DACH1: variants seen among roughly 807,000 people sequenced by gnomAD.
The protein encoded by DACH1 is dachshund homolog 1.
In DACH1, 12 loss-of-function variants were observed where a neutral mutation model predicts 54.2. The observed-to-expected ratio is 0.22, with a 90% confidence interval of 0.14 to 0.36. DACH1 has a LOEUF of 0.36. DACH1 is among the 10% of genes least tolerant of loss of function. The pLI is 1.00. For missense variants in DACH1, 805 were observed against 929.8 expected (o/e 0.87, Z 1.75); for synonymous variants, 386 against 366.2 (o/e 1.05, Z -0.62).
chr13:71,690,792 C>T (rs1317163707), intron 1 of DACH1, among the ~76,000 whole-genome samples: 1 of 152,030 alleles, frequency 6.6e-6, no homozygotes, highest in South Asian at 2.1e-4. Flanking sequence ...ATTAGCTGGG[C>T]ATGGTGGTGC....
chr13:71,659,387 T>A (rs1408012796), intron 2 of DACH1, among the ~76,000 whole-genome samples: 1 of 152,138 alleles, frequency 6.6e-6, no homozygotes. Context: ...CTGTTAGTGG[T>A]AAGTAATTAT....
chr13:71,494,518 C>T (rs942816659), intron 6 of DACH1, among the ~76,000 whole-genome samples: 1 of 151,950 alleles, frequency 6.6e-6, no homozygotes, highest in Non-Finnish European at 1.5e-5. Context: ...TAAGCAATGA[C>T]GTTTGGTAGG....
intron 1 of DACH1, among the ~76,000 whole-genome samples, chr13:71,817,027 T>C (rs75036048): frequency 0.02 from 3,078 of 152,200 alleles, 100 homozygotes; most frequent in African/African-American, 0.069. Context: ...TTTACCTGTG[T>C]AGGAAACCTA....
At chr13:71,573,366 A>C in intron 3 of DACH1, 1 of 708,184 alleles carries the variant, frequency 1.4e-6, no homozygotes, top group East Asian at 2.7e-5. Context: ...CCAACTGATA[A>C]ATACAATTTA....
chr13:71,464,788 G>A (rs1876418362), intron 10 of DACH1: 4 of 443,730 alleles, frequency 9.0e-6, no homozygotes, highest in Non-Finnish European at 1.8e-5. Flanking sequence ...TTCATCAAGT[G>A]AGCACACAGA....
At chr13:71,811,533 C>T (rs1887711873) in intron 1 of DACH1, among the ~76,000 whole-genome samples, 1 of 152,176 alleles carries the variant, frequency 6.6e-6, no homozygotes, top group Admixed American at 6.5e-5. Flanking sequence ...ACTATTCTAT[C>T]ATTTAATGAT....
intron 2 of DACH1, among the ~76,000 whole-genome samples, chr13:71,679,200 T>C (rs1454207697): frequency 6.6e-6 from 1 of 152,182 alleles, no homozygotes; most frequent in African/African-American, 2.4e-5. Flanking sequence ...GTATCTTCGG[T>C]GTCTCTGTTC....
chr13:71,543,603 A>G (rs1240119102), intron 6 of DACH1, among the ~76,000 whole-genome samples: 1 of 152,106 alleles, frequency 6.6e-6, no homozygotes, highest in Non-Finnish European at 1.5e-5. Context: ...TAAGAGATGC[A>G]TAGGGAATCT....
At chr13:71,774,486 A>C (rs1326353770) in intron 1 of DACH1, among the ~76,000 whole-genome samples, 15 of 152,094 alleles carry the variant, frequency 9.9e-5, no homozygotes, top group Admixed American at 9.8e-4. Flanking sequence ...ATCCCACTAC[A>C]GTAGAAAACA....
intron 6 of DACH1, among the ~76,000 whole-genome samples, chr13:71,554,384 T>C (rs946746731): frequency 2.0e-5 from 3 of 152,142 alleles, no homozygotes; most frequent in Non-Finnish European, 2.9e-5. Flanking sequence ...TTTGTCATTA[T>C]AAAATATATG....
chr13:71,442,686 T>G (rs1874111020), intron 10 of DACH1, among the ~76,000 whole-genome samples: 1 of 152,140 alleles, frequency 6.6e-6, no homozygotes, highest in Non-Finnish European at 1.5e-5. Context: ...CTATGTATAC[T>G]ATGTTTTTTT....
chr13:71,715,653 T>C (rs1424768328), intron 1 of DACH1, among the ~76,000 whole-genome samples: 1 of 152,030 alleles, frequency 6.6e-6, no homozygotes, highest in Non-Finnish European at 1.5e-5. Flanking sequence ...TTGGTGAACA[T>C]AGAGTATATT....
chr13:71,590,334 T>C (rs1873606934), intron 3 of DACH1, among the ~76,000 whole-genome samples: 1 of 152,226 alleles, frequency 6.6e-6, no homozygotes, highest in Non-Finnish European at 1.5e-5. Context: ...TTAAATTATT[T>C]GGAGAGTACA....
chr13:71,544,042 CAAG>C (rs1460771116), intron 6 of DACH1, among the ~76,000 whole-genome samples: 4 of 152,048 alleles, frequency 2.6e-5, no homozygotes, highest in Admixed American at 6.6e-5. Context: ...TAAGATTTCC[CAAG>C]AAGAACCACA....
chr13:71,747,585 C>T (rs984028707), intron 1 of DACH1, among the ~76,000 whole-genome samples: 1 of 151,834 alleles, frequency 6.6e-6, no homozygotes, highest in African/African-American at 2.4e-5. Flanking sequence ...CATCCCCCTG[C>T]CAGAAAAAAG....
In DACH1 at chr13:71,665,257, TAA is replaced by T. The variant is rs528261988; in HGVS notation, c.964+16536_964+16537del. On this transcript the variant is annotated intron_variant, in intron 2 of 10. Coordinates refer to ENST00000613252, the MANE Select transcript of DACH1 (RefSeq NM_080759.6). ...GTTTAGTAGACTTTTCCACACTCAA[TAA>T]AGTAATAGCTAAGTTAGAACTAAAA... Among the ~76,000 whole-genome samples the T allele has an allele frequency of 7.9e-5, 12 of 152,018 alleles. No homozygotes were observed. In the East Asian group the frequency reaches 2.3e-3, roughly 29 times the overall value.
chr13:71,807,374 G>C (rs1181662114), intron 1 of DACH1, among the ~76,000 whole-genome samples: 1 of 126,914 alleles, frequency 7.9e-6, no homozygotes, highest in Non-Finnish European at 1.6e-5. Context: ...CACTTCCCTC[G>C]CCCCTGTCAT....
chr13:71,486,151 G>C (rs1878485120), intron 7 of DACH1, among the ~76,000 whole-genome samples: 1 of 151,364 alleles, frequency 6.6e-6, no homozygotes, highest in South Asian at 2.1e-4. Flanking sequence ...AAAAATCCAG[G>C]CTTTTTAAAT....
At chr13:71,755,437 C>G (rs1179671416) in intron 1 of DACH1, among the ~76,000 whole-genome samples, 2 of 152,114 alleles carry the variant, frequency 1.3e-5, no homozygotes, top group African/African-American at 4.8e-5. Flanking sequence ...AATTTTATTG[C>G]TCTGACCAAA....
Sources: allele counts gnomAD v4.1 joint callset (sites outside exome capture counted in the v4.1 genomes callset), GRCh38; gene constraint gnomAD v4.1.1; transcripts MANE v1.5; gene names NCBI Gene and HGNC (gene_info 2026-07-23, HGNC 2026-07-21).